Variants in GARRE1 observed in about 807,000 individuals in gnomAD.
The protein encoded by GARRE1 is granule associated Rac and RHOG effector 1, also known as granule associated Rac and RHOG effector protein 1.
In GARRE1, 49 loss-of-function variants were observed where a neutral mutation model predicts 103.2. The ratio of observed to expected loss-of-function variants is 0.47; its 90% CI spans 0.38 to 0.60. GARRE1 has a LOEUF of 0.60. Ranked by LOEUF, GARRE1 falls within the 20% of genes least tolerant of loss-of-function variation. GARRE1 has a pLI of 0.00. For synonymous variants in GARRE1, 505 were observed against 532.8 expected (o/e 0.95, Z 0.72); for missense variants, 1,199 against 1,370.5 (o/e 0.87, Z 1.98).
At chr19:34,274,836 T>C (rs559954086) in intron 1 of GARRE1, among the ~76,000 whole-genome samples, 8 of 152,170 alleles carry the variant, frequency 5.3e-5, no homozygotes, top group Non-Finnish European at 1.2e-4. Context: ...TGTAATGTGG[T>C]AACAGATAGA....
chr19:34,331,678 T>C (rs544389977), intron 7 of GARRE1, among the ~76,000 whole-genome samples: 11 of 152,292 alleles, frequency 7.2e-5, no homozygotes, highest in African/African-American at 2.6e-4. Flanking sequence ...GATCTCCCTT[T>C]CTAGTAAACG....
chr19:34,344,722 G>T (rs534968544), intron 10 of GARRE1, among the ~76,000 whole-genome samples: 20 of 152,158 alleles, frequency 1.3e-4, no homozygotes, highest in Non-Finnish European at 2.8e-4. Flanking sequence ...GCCCAGGCTG[G>T]AGCGCAGTGG....
intron 7 of GARRE1, 146 bp from the exon 8 acceptor site, chr19:34,333,558 C>A: frequency 1.7e-6 from 1 of 594,030 alleles, no homozygotes; most frequent in Non-Finnish European, 3.0e-6. Context: ...CTGTTGTCTT[C>A]ACGGGGCCCT....
intron 2 of GARRE1, among the ~76,000 whole-genome samples, chr19:34,319,639 G>A (rs1347725582): frequency 6.6e-6 from 1 of 152,108 alleles, no homozygotes; most frequent in Non-Finnish European, 1.5e-5. Context: ...GACAGGATTG[G>A]GGGTTACTTG....
chr19:34,274,389 G>A (rs1239983817), intron 1 of GARRE1, among the ~76,000 whole-genome samples: 2 of 151,954 alleles, frequency 1.3e-5, no homozygotes, highest in African/African-American at 4.8e-5. Context: ...TGGGCAACTA[G>A]AGCGAAACTC....
intron 7 of GARRE1, among the ~76,000 whole-genome samples, chr19:34,330,886 C>T (rs1221185933): frequency 1.3e-5 from 2 of 148,808 alleles, no homozygotes; most frequent in Non-Finnish European, 3.0e-5. Flanking sequence ...AGGCACCCGC[C>T]ACCACATCTG....
In GARRE1 at chr19:34,300,907, A is replaced by G. The variant is rs2073975545; in HGVS notation, c.434A>G (p.Glu145Gly). 2 of 1,608,620 alleles carry G rather than the reference A, an allele frequency of 1.2e-6. No homozygotes were observed. Among genetic ancestry groups the G allele is most frequent in the Non-Finnish European group, 1.7e-6 (2 of 1,180,016 alleles). ...CCTGAGATCGCCAAGATGCTAATGG[A>G]ACTTAGTGCTGGGGCTGCAAATTTT... ...IKPEIAKMLM[E>G]LSAGAANFTD... The change falls in exon 2 of 14, where the codon GAA becomes GGA. Residue 145 changes from glutamate to glycine, a missense_variant. Coordinates refer to ENST00000299505, the MANE Select transcript of GARRE1 (RefSeq NM_014686.5).
At chr19:34,295,448 C>T (rs921133622) in intron 1 of GARRE1, among the ~76,000 whole-genome samples, 2 of 151,734 alleles carry the variant, frequency 1.3e-5, no homozygotes, top group Non-Finnish European at 2.9e-5. Context: ...CCTTATTCTG[C>T]CATTTTTGAT....
chr19:34,348,102 TG>T (rs2074221145), intron 11 of GARRE1, 60 bp downstream of exon 11: 1 of 1,338,872 alleles, frequency 7.5e-7, no homozygotes. Flanking sequence ...CCGAGGGGCC[TG>T]TGAGAAGAGA....
chr19:34,352,062 C>A (rs1304280266), intron 13 of GARRE1, among the ~76,000 whole-genome samples: 1 of 152,122 alleles, frequency 6.6e-6, no homozygotes, highest in African/African-American at 2.4e-5. Context: ...TGCACCATTG[C>A]ACTCCAGCCT....
In GARRE1 at chr19:34,352,741, C is replaced by T; in HGVS notation, c.2999C>T (p.Ala1000Val). 6.2e-7 allele frequency: 1 copy of T among 1,614,122 alleles called. No homozygotes were observed. The highest frequency in any genetic ancestry group is 8.5e-7 in the Non-Finnish European group (1 of 1,179,996). ...TLPSPSAPLY[A>V]VTSPGSQWND... ...CCCAGCCCCAGCGCACCACTCTATGCAGTCACCAGCCCTGGCAGCCAGTGG... is the reference window on the plus strand; with the variant it reads ...CCCAGCCCCAGCGCACCACTCTATGTAGTCACCAGCCCTGGCAGCCAGTGG... Residue 1000 changes from alanine to valine, a missense_variant, in exon 14 of 14, where the codon GCA (alanine) becomes GTA (valine). Physicochemically the swap from Ala to Val is moderately conservative, Grantham distance 64. Transcript: ENST00000299505.
chr19:34,339,581 A>T (rs1227501615), intron 8 of GARRE1, among the ~76,000 whole-genome samples: 1 of 152,132 alleles, frequency 6.6e-6, no homozygotes. Flanking sequence ...AGACACTATC[A>T]CCTAGGAAAT....
intron 2 of GARRE1, among the ~76,000 whole-genome samples, chr19:34,308,790 CTG>C (rs1223839392): frequency 6.6e-6 from 1 of 152,138 alleles, no homozygotes; most frequent in Non-Finnish European, 1.5e-5. Flanking sequence ...CCAGTAGAAA[CTG>C]TTTTTCATGG....
In GARRE1 at chr19:34,336,191, A is replaced by G. The variant is rs181324918; in HGVS notation, c.1361+2390A>G. 2.2e-3 allele frequency among the ~76,000 whole-genome samples: 337 copies of G among 151,826 alleles called. 8 individuals carry two copies. The highest frequency in any genetic ancestry group is 2.5e-3 in the East Asian group (13 of 5,118). On this transcript the variant is annotated intron_variant, in intron 8 of 13. Coordinates refer to ENST00000299505, the MANE Select transcript of GARRE1 (RefSeq NM_014686.5). The stretch of plus-strand genomic sequence containing the variant: ...TTTTTTGTAGAGATGGAGTCTCACT[A>G]TATTAGCCAGGATGGTCTGGGACTC...
chr19:34,340,076 G>A, intron 9 of GARRE1, 84 bp downstream of exon 9: 2 of 1,419,514 alleles, frequency 1.4e-6, no homozygotes, highest in Non-Finnish European at 2.0e-6. Context: ...GTCATTGATA[G>A]TATACGGTAT....
intron 2 of GARRE1, among the ~76,000 whole-genome samples, chr19:34,312,457 T>C (rs1237986093): frequency 6.6e-6 from 1 of 152,182 alleles, no homozygotes; most frequent in Admixed American, 6.5e-5. Context: ...CTGGTTGCCC[T>C]CTCCTCCCAG....
chr19:34,296,532 G>A, intron 1 of GARRE1: 1 of 1,595,260 alleles, frequency 6.3e-7, no homozygotes, highest in East Asian at 2.2e-5. Context: ...GGCCTTGATA[G>A]CCTCGGCACG....
chr19:34,320,159 G>A (rs2145260123), intron 3 of GARRE1, 43 bp downstream of exon 3: 2 of 1,554,300 alleles, frequency 1.3e-6, no homozygotes, highest in Middle Eastern at 2.1e-4. Flanking sequence ...GTTCAAATAG[G>A]AGAGGCTCCA....
At chr19:34,307,760 TA>T (rs2074016421) in intron 2 of GARRE1, among the ~76,000 whole-genome samples, 2 of 140,030 alleles carry the variant, frequency 1.4e-5, no homozygotes, top group Non-Finnish European at 3.0e-5. Flanking sequence ...TATACATATA[TA>T]GTATATATAT....
Sources: gnomAD v4.1 joint callset for allele counts (sites outside exome capture counted in the v4.1 genomes callset) on GRCh38, gnomAD v4.1.1 for gene constraint, MANE v1.5 for transcripts, NCBI Gene and HGNC (gene_info 2026-07-23, HGNC 2026-07-21) for gene names.